The following TMEM132D variants were observed in gnomAD, a reference collection of about 807,000 sequenced individuals.
TMEM132D encodes mature OL transmembrane protein.
A neutral mutation model predicts 62.3 loss-of-function variants in TMEM132D; 21 were observed. The observed-to-expected ratio is 0.34, with a 90% CI of 0.24 to 0.49. The LOEUF is 0.49. Ranked by LOEUF, TMEM132D falls within the 20% of genes least tolerant of loss-of-function variation. The probability of loss-of-function intolerance (pLI) is 0.99; values close to 1 mark genes in which losing one functional copy is unlikely to be tolerated. For synonymous variants in TMEM132D, 621 were observed against 575.6 expected, an observed-to-expected ratio of 1.08 and a Z score of -1.13; for missense variants, 1,346 against 1,402.8, an observed-to-expected ratio of 0.96 and a Z score of 0.65.
At chr12:129,131,758 A>G (rs1036972613) in intron 5 of TMEM132D, among the ~76,000 whole-genome samples, 4 of 152,232 alleles carry the variant, frequency 2.6e-5, no homozygotes, top group African/African-American at 9.6e-5. Flanking sequence ...CTTAAATACC[A>G]TCACACTCGA....
intron 3 of TMEM132D, among the ~76,000 whole-genome samples, chr12:129,482,237 C>T (rs1018656294): frequency 2.6e-5 from 4 of 152,134 alleles, no homozygotes; most frequent in Admixed American, 6.5e-5. Context: ...TTGTGTGTAG[C>T]GTGGCAAAAC....
Position 129,881,896 on chromosome 12 carries a change from A to G in TMEM132D, c.79+21365T>C, listed in dbSNP as rs572210121. Among the ~76,000 whole-genome samples the G allele has an allele frequency of 1.2e-3, 180 of 152,186 alleles. 1 individual carries two copies. Among genetic ancestry groups the G allele is most frequent in the South Asian group, 2.7e-3 (13 of 4,826 alleles). On this transcript the variant is annotated intron_variant, in intron 1 of 8. Transcript: ENST00000422113. Reference sequence around the variant, plus strand: ...AATCTCTAGCCAGACTGACTGAGAAAAAAAGAGTAAAGAAACATATTGCTA... The same window carrying G: ...AATCTCTAGCCAGACTGACTGAGAAGAAAAGAGTAAAGAAACATATTGCTA...
intron 3 of TMEM132D, among the ~76,000 whole-genome samples, chr12:129,432,194 G>GATGGATGGTTGC (rs1872676260): frequency 6.7e-6 from 1 of 148,522 alleles, no homozygotes; most frequent in Non-Finnish European, 1.5e-5. Flanking sequence ...TGGATGGATG[G>GATGGATGGTTGC]ATGGATGGTT....
intron 2 of TMEM132D, among the ~76,000 whole-genome samples, chr12:129,663,760 A>G (rs1425419045): frequency 2.0e-5 from 3 of 152,210 alleles, no homozygotes; most frequent in African/African-American, 4.8e-5. Context: ...AAACAAGAGG[A>G]GAAGAAAGAC....
chr12:129,819,561 CTG>C (rs1272209743), intron 1 of TMEM132D, among the ~76,000 whole-genome samples: 1 of 151,942 alleles, frequency 6.6e-6, no homozygotes, highest in African/African-American at 2.4e-5. Context: ...TGTGCAGACT[CTG>C]GAGTCTGCGG....
chr12:129,731,911 T>C (rs1028908415), intron 1 of TMEM132D, among the ~76,000 whole-genome samples: 2 of 152,144 alleles, frequency 1.3e-5, no homozygotes, highest in Non-Finnish European at 2.9e-5. Flanking sequence ...AACCACCTGC[T>C]TCGGCCTCCC....
At chr12:129,248,860 T>A (rs1021581998) in intron 4 of TMEM132D, among the ~76,000 whole-genome samples, 1 of 152,336 alleles carries the variant, frequency 6.6e-6, no homozygotes, top group South Asian at 2.1e-4. Flanking sequence ...CCCATGTTCC[T>A]GAAAAGGACA....
intron 1 of TMEM132D, among the ~76,000 whole-genome samples, chr12:129,825,459 G>T (rs535156990): frequency 1.3e-5 from 2 of 152,162 alleles, no homozygotes; most frequent in Admixed American, 6.5e-5. Flanking sequence ...TGCTAATAGG[G>T]TTACTGGCGA....
chr12:129,453,359 C>T (rs1005527432), intron 3 of TMEM132D, among the ~76,000 whole-genome samples: 2 of 152,150 alleles, frequency 1.3e-5, no homozygotes, highest in Non-Finnish European at 2.9e-5. Context: ...CCTGGAATTC[C>T]CTCCCGCAGG....
At chr12:129,636,731 T>C (rs867748574) in intron 2 of TMEM132D, among the ~76,000 whole-genome samples, 4 of 125,622 alleles carry the variant, frequency 3.2e-5, no homozygotes, top group African/African-American at 1.3e-4. Context: ...TGTGTGTGTG[T>C]GTGTGTGAGA....
chr12:129,244,305 G>A (rs1261940189), intron 4 of TMEM132D, among the ~76,000 whole-genome samples: 2 of 149,952 alleles, frequency 1.3e-5, no homozygotes, highest in East Asian at 2.0e-4. Flanking sequence ...AGAATGGCGT[G>A]AGCCCGGGAG....
intron 1 of TMEM132D, among the ~76,000 whole-genome samples, chr12:129,766,306 T>C (rs1045837616): frequency 6.6e-6 from 1 of 152,200 alleles, no homozygotes; most frequent in Non-Finnish European, 1.5e-5. Flanking sequence ...CACAATAAAA[T>C]GGTAAAGCCT....
chr12:129,417,353 C>T (rs1391844222), intron 3 of TMEM132D, among the ~76,000 whole-genome samples: 4 of 152,020 alleles, frequency 2.6e-5, no homozygotes, highest in Admixed American at 6.6e-5. Context: ...AAAACAGATA[C>T]GTAGACCAAT....
chr12:129,457,017 T>C (rs939223919), intron 3 of TMEM132D, among the ~76,000 whole-genome samples: 3 of 152,024 alleles, frequency 2.0e-5, no homozygotes, highest in Non-Finnish European at 4.4e-5. Flanking sequence ...TCGACCATTG[T>C]GGAAGTCAGT....
At chr12:129,135,896 TAA>T (rs1209439439) in intron 5 of TMEM132D, among the ~76,000 whole-genome samples, 6 of 152,346 alleles carry the variant, frequency 3.9e-5, no homozygotes, top group South Asian at 2.1e-4. Context: ...TTCTCTTTTA[TAA>T]AGACACTAGC....
intron 1 of TMEM132D, among the ~76,000 whole-genome samples, chr12:129,839,211 C>G (rs1367967453): frequency 6.8e-6 from 1 of 146,546 alleles, no homozygotes; most frequent in Non-Finnish European, 1.5e-5. Context: ...AGCCCCGCAA[C>G]CTTCGCCTCC....
chr12:129,886,780 G>A (rs548267660), intron 1 of TMEM132D, among the ~76,000 whole-genome samples: 21 of 152,264 alleles, frequency 1.4e-4, no homozygotes, highest in East Asian at 1.2e-3. Flanking sequence ...GAAGGGACCC[G>A]GTGGGAGGTA....
intron 3 of TMEM132D, among the ~76,000 whole-genome samples, chr12:129,346,669 C>T (rs1378396442): frequency 1.3e-5 from 2 of 152,180 alleles, no homozygotes; most frequent in Admixed American, 1.3e-4. Context: ...TGTCCTCTCT[C>T]ACCACTCCTA....
chr12:129,165,849 TA>T (rs1394050619), intron 5 of TMEM132D, among the ~76,000 whole-genome samples: 1 of 152,092 alleles, frequency 6.6e-6, no homozygotes, highest in Non-Finnish European at 1.5e-5. Context: ...TAGAAAAAAA[TA>T]AATCACAAAA....
Sources: gnomAD v4.1 joint callset for allele counts (sites outside exome capture counted in the v4.1 genomes callset) on GRCh38, gnomAD v4.1.1 for gene constraint, MANE v1.5 for transcripts, NCBI Gene and HGNC (gene_info 2026-07-23, HGNC 2026-07-21) for gene names.